The following GSK3B variants were observed in gnomAD, a reference collection of about 807,000 sequenced individuals.
GSK3B encodes the protein glycogen synthase kinase 3 beta, also known as glycogen synthase kinase-3 beta.
In GSK3B, 15 loss-of-function variants were observed where a neutral mutation model predicts 56.4. The observed-to-expected ratio is 0.27, with a 90% confidence interval of 0.18 to 0.41. The LOEUF (loss-of-function observed/expected upper bound fraction) is 0.41, where lower values mean the gene tolerates loss of function less well. Ranked by LOEUF, GSK3B falls within the 10% of genes least tolerant of loss-of-function variation. The pLI, the probability that GSK3B is intolerant of heterozygous loss-of-function variation, is 1.00. For missense variants in GSK3B, 300 were observed against 513.4 expected, an observed-to-expected ratio of 0.58 and a Z score of 4.02; for synonymous variants, 181 against 188.9, an observed-to-expected ratio of 0.96 and a Z score of 0.34.
chr3:120,032,943 T>C (rs1468782948), intron 1 of GSK3B, among the ~76,000 whole-genome samples: 3 of 152,204 alleles, frequency 2.0e-5, no homozygotes, highest in Non-Finnish European at 4.4e-5. Flanking sequence ...CACAGGCTTG[T>C]GCAACCATCA....
At chr3:119,909,355 G>A (rs889651449) in intron 6 of GSK3B, among the ~76,000 whole-genome samples, 2 of 152,150 alleles carry the variant, frequency 1.3e-5, no homozygotes, top group Non-Finnish European at 2.9e-5. Context: ...CTGTGGGGAT[G>A]TTTTTGGTTT....
intron 2 of GSK3B, among the ~76,000 whole-genome samples, chr3:119,955,408 C>CA (rs1428761202): frequency 6.6e-6 from 1 of 152,048 alleles, no homozygotes; most frequent in African/African-American, 2.4e-5. Flanking sequence ...CCTGAGAATA[C>CA]AAAAATTTAC....
intron 1 of GSK3B, among the ~76,000 whole-genome samples, chr3:120,088,300 T>TA (rs952517336): frequency 1.3e-5 from 2 of 152,198 alleles, no homozygotes; most frequent in African/African-American, 4.8e-5. Flanking sequence ...TTAGCTCATT[T>TA]AAAAAAATAG....
At chr3:120,070,114 G>A (rs1472902982) in intron 1 of GSK3B, among the ~76,000 whole-genome samples, 1 of 152,008 alleles carries the variant, frequency 6.6e-6, no homozygotes, top group Non-Finnish European at 1.5e-5. Context: ...TTGGGAGGCT[G>A]AGGCAGAAGA....
intron 10 of GSK3B, among the ~76,000 whole-genome samples, chr3:119,840,597 G>A (rs577275697): frequency 3.4e-4 from 52 of 152,250 alleles, no homozygotes; most frequent in Middle Eastern, 3.4e-3. Flanking sequence ...AAACATACAT[G>A]AATCTTAAAC....
At chr3:120,038,025 T>C (rs1160321799) in intron 1 of GSK3B, among the ~76,000 whole-genome samples, 1 of 152,198 alleles carries the variant, frequency 6.6e-6, no homozygotes, top group Non-Finnish European at 1.5e-5. Context: ...ACAATTTATA[T>C]TAAATATTGT....
chr3:120,089,408 A>G (rs887300393), intron 1 of GSK3B, among the ~76,000 whole-genome samples: 1 of 152,226 alleles, frequency 6.6e-6, no homozygotes, highest in Admixed American at 6.5e-5. Flanking sequence ...ACATTAACAC[A>G]GGATTATCAA....
intron 1 of GSK3B, among the ~76,000 whole-genome samples, chr3:120,015,663 A>C (rs913693258): frequency 7.6e-5 from 11 of 144,150 alleles, no homozygotes; most frequent in Admixed American, 1.3e-4. Context: ...AAAAAAAAAA[A>C]AAAAAAAAAA....
chr3:119,850,645 A>G (rs2055917648), intron 9 of GSK3B, among the ~76,000 whole-genome samples: 1 of 152,144 alleles, frequency 6.6e-6, no homozygotes, highest in Non-Finnish European at 1.5e-5. Context: ...GCAATGAGTG[A>G]TAAGGAAATG....
chr3:119,837,579 A>T (rs942491522), intron 10 of GSK3B, among the ~76,000 whole-genome samples: 1 of 152,134 alleles, frequency 6.6e-6, no homozygotes, highest in East Asian at 1.9e-4. Context: ...AGATAATGAA[A>T]GGTGAACTGA....
intron 1 of GSK3B, among the ~76,000 whole-genome samples, chr3:120,032,203 G>A (rs191301832): frequency 4.5e-4 from 68 of 152,222 alleles, no homozygotes; most frequent in African/African-American, 1.5e-3. Context: ...CAGCCTGTGC[G>A]TGGTGGCTCA....
chr3:119,887,829 A>G (rs1013543237), intron 7 of GSK3B, among the ~76,000 whole-genome samples: 5 of 152,136 alleles, frequency 3.3e-5, no homozygotes, highest in African/African-American at 1.2e-4. Flanking sequence ...AAAGCCACTC[A>G]CAAAGTGAAA....
chr3:120,048,894 A>G (rs1258635793), intron 1 of GSK3B, among the ~76,000 whole-genome samples: 1 of 152,206 alleles, frequency 6.6e-6, no homozygotes, highest in Non-Finnish European at 1.5e-5. Flanking sequence ...TGCACTACAT[A>G]AAACAGATCA....
intron 5 of GSK3B, 34 bp downstream of exon 5, chr3:119,916,010 A>G (rs202047553): frequency 6.6e-7 from 1 of 1,526,240 alleles, no homozygotes. Context: ...AGGAGGGGAA[A>G]AGGGAAGGGG....
chr3:119,833,994 C>T (rs542260971), intron 10 of GSK3B, among the ~76,000 whole-genome samples: 25 of 152,090 alleles, frequency 1.6e-4, no homozygotes, highest in African/African-American at 4.6e-4. Context: ...CACTGCACCC[C>T]GCCAGGTATA....
At chr3:120,010,126 T>A (rs2057765218) in intron 1 of GSK3B, among the ~76,000 whole-genome samples, 1 of 152,096 alleles carries the variant, frequency 6.6e-6, no homozygotes, top group Non-Finnish European at 1.5e-5. Context: ...CATAAGCCAA[T>A]ATAAAAAAAG....
chr3:119,972,302 TAAG>T lies in GSK3B; in HGVS notation c.283-24954_283-24952del, dbSNP rs200571856. ...CAAATAAGGTATATGATAGGCATCA[TAAG>T]AAATCAAGATGGGCTTCATTTCTTA... On this transcript the variant is annotated intron_variant, in intron 2 of 10. Transcript: ENST00000264235. 1.1e-3 allele frequency among the ~76,000 whole-genome samples: 162 copies of T among 152,294 alleles called. 3 individuals are homozygous for T. The East Asian group carries it at 0.028, about 26-fold the overall frequency.
chr3:120,048,466 CACTT>C (rs2058121683), intron 1 of GSK3B, among the ~76,000 whole-genome samples: 1 of 152,176 alleles, frequency 6.6e-6, no homozygotes. Flanking sequence ...CTGGCTCTGC[CACTT>C]ACTAACTGTA....
intron 6 of GSK3B, among the ~76,000 whole-genome samples, chr3:119,906,318 G>C (rs1208209918): frequency 1.3e-5 from 2 of 152,058 alleles, no homozygotes; most frequent in South Asian, 4.1e-4. Context: ...GACTTTAAAT[G>C]GTTGATTTTT....
Sources: gnomAD v4.1 joint callset for allele counts (sites outside exome capture counted in the v4.1 genomes callset) on GRCh38, gnomAD v4.1.1 for gene constraint, MANE v1.5 for transcripts, NCBI Gene and HGNC (gene_info 2026-07-23, HGNC 2026-07-21) for gene names.